Variants in TSR1 observed in about 807,000 individuals in gnomAD.
The protein encoded by TSR1 is TSR1 ribosome maturation factor.
TSR1 carries 81 observed loss-of-function variants against 90.9 expected under a neutral mutation model. That is an observed-to-expected ratio of 0.89 (90% confidence interval 0.74 to 1.07). The LOEUF is 1.07. Among genes scored for constraint, TSR1 ranks in the 50% least tolerant of loss-of-function variants. The pLI, the probability that TSR1 is intolerant of heterozygous loss-of-function variation, is 0.00. For missense variants in TSR1, 989 were observed against 987.3 expected (o/e 1.00, Z -0.02); for synonymous variants, 362 against 348.8 (o/e 1.04, Z -0.42).
intron 7 of TSR1, among the ~76,000 whole-genome samples, chr17:2,332,704 G>GT (rs1332483307): frequency 1.3e-5 from 2 of 152,124 alleles, no homozygotes; most frequent in African/African-American, 4.8e-5. Context: ...AGGCATGGTG[G>GT]TGGGCGCCTG....
At chr17:2,330,402 CT>C in intron 10 of TSR1, 112 bp downstream of exon 10, 1 of 887,416 alleles carries the variant, frequency 1.1e-6, no homozygotes, top group Non-Finnish European at 1.9e-6. Flanking sequence ...TAAAGGCAGA[CT>C]TTTTGCATCC....
At chr17:2,328,104 G>A (rs181713638) in intron 11 of TSR1, among the ~76,000 whole-genome samples, 8 of 151,526 alleles carry the variant, frequency 5.3e-5, no homozygotes, top group East Asian at 2.0e-4. Context: ...TTAGCTAGGC[G>A]TGGTGGCGGG....
intron 13 of TSR1, 34 bp downstream of exon 13, chr17:2,324,655 G>C: frequency 6.2e-7 from 1 of 1,613,898 alleles, no homozygotes. Flanking sequence ...TACCACAAAG[G>C]CAATCAGATC....
At chr17:2,332,500 CA>C (rs1036365774) in intron 7 of TSR1, 141 bp from the exon 8 acceptor site, 8 of 745,200 alleles carry the variant, frequency 1.1e-5, no homozygotes, top group Non-Finnish European at 1.6e-5. Flanking sequence ...AAGTATAAAA[CA>C]AAAGCCTCAT....
chr17:2,330,608 T>A lies in TSR1; in HGVS notation c.1677A>T (p.Thr559=), dbSNP rs774403624. 1 of 1,612,518 alleles carries A rather than the reference T, an allele frequency of 6.2e-7. No individual in the cohort carries two copies. Among genetic ancestry groups the A allele is most frequent in the African/African-American group, 1.3e-5 (1 of 74,386 alleles). The change falls in exon 10 of 15, where the codon ACA becomes ACT. Residue 559 remains threonine (T), a synonymous_variant. Transcript: ENST00000301364. ...VEGAEVGWYV[T]LHVSEVPVSV... ...AGACGGGGACTTCAGAGACATGAAG[T>A]GTGACATACCAGCCAACCTGCCACA...
In TSR1 at chr17:2,332,999, C is replaced by G; in HGVS notation, c.1267G>C (p.Asp423His). Residue 423 changes from aspartate to histidine, a missense_variant, in exon 7 of 15, where the codon GAT becomes CAT. Transcript: ENST00000301364. ...TCCATAAAATCCTCATGTTCCATATCATCATATTCATATTCATCTCCTTCC... is the reference window on the plus strand; with the variant it reads ...TCCATAAAATCCTCATGTTCCATATGATCATATTCATATTCATCTCCTTCC... ...GGEGDEYEYD[D>H]MEHEDFMEEE... 2 of 1,614,048 alleles carry G rather than the reference C, an allele frequency of 1.2e-6. No individual in the cohort carries two copies. The highest frequency in any genetic ancestry group is 2.2e-5 in the South Asian group (2 of 91,052).
chr17:2,334,706 C>T lies in TSR1; in HGVS notation c.747G>A (p.Arg249=), dbSNP rs760441124. The T allele has an allele frequency of 1.2e-6, 2 of 1,613,740 alleles. No individual in the cohort carries two copies. The highest frequency in any genetic ancestry group is 1.7e-6 in the Non-Finnish European group (2 of 1,180,048). ...CAGCATGGGCAAATAGGTAGGCCCG[C>T]CGATCTCGAAAAGCAAGATGCTGTT... ...QKQQHLAFRD[R]RAYLFAHAVD... The change falls in exon 5 of 15, where the codon CGG becomes CGA. Residue 249 remains arginine, a synonymous_variant. Coordinates refer to ENST00000301364, the MANE Select transcript of TSR1 (RefSeq NM_018128.5).
intron 11 of TSR1, among the ~76,000 whole-genome samples, chr17:2,327,783 A>T (rs2075583564): frequency 6.6e-6 from 1 of 152,216 alleles, no homozygotes; most frequent in Admixed American, 6.5e-5. Flanking sequence ...TACAATTACA[A>T]TCCAAATTGT....
At chr17:2,325,481 G>A in intron 11 of TSR1, 61 bp from the exon 12 acceptor site, 3 of 1,321,780 alleles carry the variant, frequency 2.3e-6, no homozygotes, top group South Asian at 1.3e-5. Flanking sequence ...GGTGATAGAG[G>A]CCTGTGAAAA....
At chr17:2,325,520 G>A in intron 11 of TSR1, 100 bp from the exon 12 acceptor site, 1 of 875,606 alleles carries the variant, frequency 1.1e-6, no homozygotes, top group Non-Finnish European at 1.7e-6. Flanking sequence ...TTAAACCTAT[G>A]GCAGCTTCTA....
Position 2,336,068 on chromosome 17 carries a change from G to A in TSR1, c.170C>T (p.Ala57Val). The change falls in exon 2 of 15, where the codon GCC becomes GTC. Residue 57 changes from alanine to valine, a missense_variant. By Grantham distance (64) the Ala-to-Val change is moderately conservative. Coordinates refer to ENST00000301364, the MANE Select transcript of TSR1 (RefSeq NM_018128.5). ...ELSRVDQRHR[A>V]SQLRKQKKEA... ...CTTCTTCTGCTTTCGGAGCTGGCTG[G>A]CGCGATGCCTCTGGTCGACTCTGCT... The A allele has an allele frequency of 1.2e-6, 2 of 1,614,168 alleles. No homozygotes were observed. The highest frequency in any genetic ancestry group is 1.7e-6 in the Non-Finnish European group (2 of 1,180,014).
intron 8 of TSR1, among the ~76,000 whole-genome samples, chr17:2,331,727 T>C (rs1256612928): frequency 6.6e-6 from 1 of 152,240 alleles, no homozygotes; most frequent in African/African-American, 2.4e-5. Context: ...TTTATAGCCA[T>C]GCGAGAATGG....
intron 12 of TSR1, 56 bp downstream of exon 12, chr17:2,325,248 C>T (rs2075568975): frequency 1.4e-5 from 17 of 1,257,156 alleles, no homozygotes; most frequent in Non-Finnish European, 1.7e-5. Context: ...CAAGAGAAAA[C>T]GGTGTTCATC....
rs765073521 is a variant in TSR1, at chr17:2,332,947, C to T, written c.1305+14G>A. ...AGCTAGACACAGAATTGGCCTAAGG[C>T]CTCATTTCCTTACCTGAGATTCCTC... On this transcript the variant is annotated intron_variant, in intron 7 of 14. Transcript: ENST00000301364. The T allele has an allele frequency of 3.1e-6, 5 of 1,611,452 alleles. No homozygotes were observed. The African/African-American group carries it at 6.7e-5, about 22-fold the overall frequency.
chr17:2,332,694 A>G (rs566404542), intron 7 of TSR1, among the ~76,000 whole-genome samples: 201 of 152,176 alleles, frequency 1.3e-3, no homozygotes, highest in Non-Finnish European at 2.2e-3. Context: ...AAAATTAGCC[A>G]GGCATGGTGG....
chr17:2,323,824 G>A lies in TSR1; in HGVS notation c.*372C>T, dbSNP rs1333814264. ...GTAGACTTAACCTCCTCCATAACTT[G>A]GGTGAAGCAGGCTGAAAGGCCAGCT... On this transcript the variant is annotated 3_prime_UTR_variant, in exon 15 of 15. Transcript: ENST00000301364. The A allele has an allele frequency of 4.3e-6, 7 of 1,614,052 alleles. No homozygotes were observed. The highest frequency in any genetic ancestry group is 1.6e-4 in the Middle Eastern group (1 of 6,082).
rs770456741 is a variant in TSR1 at position 2,324,833 on chromosome 17, A to G, written c.2021-4T>C. 6.9e-6 allele frequency: 11 copies of G among 1,604,402 alleles called. No individual in the cohort carries two copies. The East Asian group carries it at 2.2e-4, about 33-fold the overall frequency. ...GTAGCAATGAGGCTGTGCATTCCTA[A>G]AGGACAAAAGCAAAGAAGCTATTTA... On this transcript the variant is annotated splice_polypyrimidine_tract_variant and splice_region_variant and intron_variant, in intron 12 of 14. Coordinates refer to ENST00000301364, the MANE Select transcript of TSR1 (RefSeq NM_018128.5).
At position 2,336,231 on chromosome 17, in the gene TSR1, G is replaced by C. The variant is rs548630492; in HGVS notation, c.98-91C>G. ...CCGCCCACCTTAGAAAGGGCCTTTC[G>C]CGTGGAGCCCAGACGGGAGACAGAA... is the stretch of plus-strand genomic sequence containing the variant. On this transcript the variant is annotated intron_variant, in intron 1 of 14. Coordinates refer to ENST00000301364, the MANE Select transcript of TSR1 (RefSeq NM_018128.5). 2.7e-5 allele frequency: 43 copies of C among 1,600,502 alleles called. No homozygotes were observed. In the African/African-American group the frequency reaches 4.8e-4, roughly 18 times the overall value.
chr17:2,324,959 G>A, intron 12 of TSR1, 130 bp from the exon 13 acceptor site: 1 of 1,067,166 alleles, frequency 9.4e-7, no homozygotes, highest in Non-Finnish European at 1.3e-6. Flanking sequence ...CTGAGGCTAA[G>A]ATTGGTAAAC....
Sources: allele counts gnomAD v4.1 joint callset (sites outside exome capture counted in the v4.1 genomes callset), GRCh38; gene constraint gnomAD v4.1.1; transcripts MANE v1.5; gene names NCBI Gene and HGNC (gene_info 2026-07-23, HGNC 2026-07-21).